The following TENM1 variants were observed in gnomAD, a reference collection of about 807,000 sequenced individuals.
TENM1 encodes teneurin-1.
Under a neutral mutation model 174.8 loss-of-function variants are expected in TENM1, and 35 were observed. The ratio of observed to expected loss-of-function variants is 0.20; its 90% CI spans 0.15 to 0.27. The LOEUF (loss-of-function observed/expected upper bound fraction) is 0.27. Among genes scored for constraint, TENM1 ranks in the 10% least tolerant of loss-of-function variants. The pLI is 1.00. For synonymous variants in TENM1, 781 were observed against 798.7 expected, an observed-to-expected ratio of 0.98 and a Z score of 0.37; for missense variants, 1,633 against 2,130.1, an observed-to-expected ratio of 0.77 and a Z score of 4.59.
At chrX:125,144,044 T>A in the TENM1 span, among the ~76,000 whole-genome samples, 1 of 111,594 alleles carries the variant, frequency 9.0e-6, no homozygotes, top group Admixed American at 9.6e-5. Context: ...ATGTACAAAA[T>A]GTCTGAGTAT....
chrX:125,196,013 C>CGAAGGAAG, the TENM1 span, among the ~76,000 whole-genome samples: 2,002 of 90,692 alleles, frequency 0.022, 52 homozygotes, highest in African/African-American at 0.056. Context: ...AAAGAAGGAA[C>CGAAGGAAG]GAAGGAAGGA....
chrX:124,579,388 T>G (rs1467510470), intron 11 of TENM1, among the ~76,000 whole-genome samples: 3 of 29 alleles, frequency 0.1, no homozygotes, highest in African/African-American at 0.38. Flanking sequence ...CTTCTTTTCA[T>G]GCTTTGGGGC....
chrX:124,542,012 T>C (rs1021443281), intron 15 of TENM1, among the ~76,000 whole-genome samples: 1 of 112,028 alleles, frequency 8.9e-6, no homozygotes, highest in Non-Finnish European at 1.9e-5. Context: ...ACCATGCCAG[T>C]AGGAGGCCCA....
At chrX:124,639,467 G>A (rs1261151365) in intron 11 of TENM1, among the ~76,000 whole-genome samples, 1 of 112,004 alleles carries the variant, frequency 8.9e-6, no homozygotes, top group Non-Finnish European at 1.9e-5. Flanking sequence ...CTGTGACACA[G>A]GGCCCTGGAC....
At chrX:124,726,765 T>C (rs1160900511) in intron 4 of TENM1, among the ~76,000 whole-genome samples, 1 of 112,334 alleles carries the variant, frequency 8.9e-6, no homozygotes, top group Non-Finnish European at 1.9e-5. Flanking sequence ...ATGTTAGGTA[T>C]ATTTTAGCAG....
intron 23 of TENM1, among the ~76,000 whole-genome samples, chrX:124,446,892 A>C (rs189304796): frequency 5.3e-5 from 6 of 112,215 alleles, no homozygotes; most frequent in Non-Finnish European, 9.4e-5. Context: ...AAAATATATG[A>C]TGCTGCCATG....
At chrX:124,457,258 G>C (rs1220462018) in intron 22 of TENM1, among the ~76,000 whole-genome samples, 1 of 112,115 alleles carries the variant, frequency 8.9e-6, no homozygotes, top group Non-Finnish European at 1.9e-5. Context: ...TTGTAAATTA[G>C]TGCATATAAT....
At chrX:125,052,238 A>T in the TENM1 span, among the ~76,000 whole-genome samples, 1 of 111,596 alleles carries the variant, frequency 9.0e-6, no homozygotes, top group Non-Finnish European at 1.9e-5. Context: ...TGTTGGAAGT[A>T]ATCAGTGAAG....
At chrX:124,559,331 G>A (rs2048761063) in intron 14 of TENM1, among the ~76,000 whole-genome samples, 1 of 111,383 alleles carries the variant, frequency 9.0e-6, no homozygotes, top group African/African-American at 3.3e-5. Context: ...CAACTTACTT[G>A]ACTTCTCTGT....
chrX:124,881,445 G>C (rs1196001940), intron 3 of TENM1, among the ~76,000 whole-genome samples: 1 of 109,899 alleles, frequency 9.1e-6, no homozygotes, highest in African/African-American at 3.3e-5. Flanking sequence ...ATGGTTTATT[G>C]ATTTTGTTTA....
At chrX:124,662,190 C>A (rs2051620033) in intron 6 of TENM1, among the ~76,000 whole-genome samples, 1 of 111,068 alleles carries the variant, frequency 9.0e-6, no homozygotes, top group Admixed American at 9.6e-5. Flanking sequence ...CGCAGTGGCT[C>A]ACGCCTGTAA....
exon 4 of TENM1, chrX:124,737,143 G>A: frequency 8.3e-7 from 1 of 1,210,048 alleles, no homozygotes. Flanking sequence ...AGGAGGCGGA[G>A]GTGGCGGTGG....
At chrX:124,521,590 A>G (rs1030994747) in intron 17 of TENM1, among the ~76,000 whole-genome samples, 1 of 112,307 alleles carries the variant, frequency 8.9e-6, no homozygotes, top group Non-Finnish European at 1.9e-5. Flanking sequence ...ATCACCACAG[A>G]TAAAGTTAAA....
intron 5 of TENM1, among the ~76,000 whole-genome samples, chrX:124,685,286 AAC>A (rs2052334075): frequency 9.0e-6 from 1 of 111,647 alleles, no homozygotes; most frequent in African/African-American, 3.3e-5. Context: ...GCTACAAGAG[AAC>A]ACAGATAGAC....
intron 1 of TENM1, among the ~76,000 whole-genome samples, chrX:124,945,785 G>A (rs1005275652): frequency 2.7e-5 from 3 of 111,123 alleles, no homozygotes; most frequent in Non-Finnish European, 5.7e-5. Context: ...AAGGGATTGT[G>A]TGTAGGAAGT....
chrX:124,451,603 G>T (rs891571533), intron 23 of TENM1, among the ~76,000 whole-genome samples: 1 of 111,772 alleles, frequency 8.9e-6, no homozygotes, highest in African/African-American at 3.3e-5. Flanking sequence ...GAGGCATCAC[G>T]CTACCTGACT....
At chrX:124,918,844 G>A (rs1321269141) in intron 1 of TENM1, among the ~76,000 whole-genome samples, 1 of 111,455 alleles carries the variant, frequency 9.0e-6, no homozygotes, top group Non-Finnish European at 1.9e-5. Flanking sequence ...AAGTAATATT[G>A]GCAATTTTTT....
At chrX:124,987,819 T>C in the TENM1 span, among the ~76,000 whole-genome samples, 2 of 109,898 alleles carry the variant, frequency 1.8e-5, no homozygotes, top group Admixed American at 2.0e-4. Context: ...GCTTCTTAGC[T>C]ACTTTAACGT....
chrX:125,124,133 A>G, the TENM1 span, among the ~76,000 whole-genome samples: 2 of 112,517 alleles, frequency 1.8e-5, no homozygotes, highest in African/African-American at 3.2e-5. Context: ...CAATGCGTGT[A>G]TCTTTCTCTT....
Sources: allele counts gnomAD v4.1 joint callset (sites outside exome capture counted in the v4.1 genomes callset), GRCh38; gene constraint gnomAD v4.1.1; transcripts MANE v1.5; gene names NCBI Gene and HGNC (gene_info 2026-07-23, HGNC 2026-07-21).